GOLM1: variants seen among roughly 807,000 people sequenced by gnomAD.
GOLM1 encodes the protein golgi membrane protein 1, also known as epididymis luminal protein 46.
A neutral mutation model predicts 50.5 loss-of-function variants in GOLM1; 31 were observed. That is an observed-to-expected ratio of 0.61 (90% CI 0.46 to 0.83). GOLM1 has a LOEUF of 0.83. Among genes scored for constraint, GOLM1 ranks in the 40% least tolerant of loss-of-function variants. The pLI is 0.00. For missense variants in GOLM1, 491 were observed against 501.3 expected, an observed-to-expected ratio of 0.98 and a Z score of 0.20; for synonymous variants, 178 against 192.8, an observed-to-expected ratio of 0.92 and a Z score of 0.64.
At chr9:86,050,444 C>G (rs1480332412) in intron 4 of GOLM1, among the ~76,000 whole-genome samples, 1 of 152,128 alleles carries the variant, frequency 6.6e-6, no homozygotes, top group Non-Finnish European at 1.5e-5. Context: ...AGGAATGGTA[C>G]CAGCTCTTTG....
rs1299239464 is a variant in GOLM1 at position 86,098,802 on chromosome 9, C to G, written c.-22+609G>C. On this transcript the variant is annotated intron_variant, in intron 1 of 9. Transcript: ENST00000388712. ...GAAACACAGGTATGCGAGAAAACCC[C>G]GAGCATCCACGAGAACGGGATGCAG... Among the ~76,000 whole-genome samples, 11 of 152,344 alleles carry G rather than the reference C, an allele frequency of 7.2e-5. No homozygotes were observed. The East Asian group carries it at 1.9e-3, about 27-fold the overall frequency.
In GOLM1 at chr9:86,086,805, G is replaced by GAA. The variant is rs1229048834; in HGVS notation, c.-21-7465_-21-7464insTT. 5.9e-5 allele frequency among the ~76,000 whole-genome samples: 9 copies of GAA among 152,082 alleles called. 1 individual carries two copies. The East Asian group carries it at 1.7e-3, about 29-fold the overall frequency. ...TCTGAGCCCTCTGTTCTGTTCCATT[G>GAA]GTCTATGTATCTTTTTTGGTACCAG... On this transcript the variant is annotated intron_variant, in intron 1 of 9. Coordinates refer to ENST00000388712, the MANE Select transcript of GOLM1 (RefSeq NM_016548.4).
intron 6 of GOLM1, among the ~76,000 whole-genome samples, chr9:86,037,036 T>TA (rs1347189466): frequency 9.2e-5 from 14 of 152,208 alleles, no homozygotes; most frequent in African/African-American, 3.4e-4. Context: ...GGATGAAACT[T>TA]ATGACATTTG....
chr9:86,027,650 A>C lies in GOLM1; in HGVS notation c.*167T>G. On this transcript the variant is annotated 3_prime_UTR_variant, in exon 10 of 10. Transcript: ENST00000388712. ...GTACCCCCCAAAAGCTGTTTAAAAG[A>C]CCATTCCATTTTTTCCTACACAAAG... The C allele has an allele frequency of 7.1e-7, 1 of 1,400,600 alleles. No individual in the cohort carries two copies. The highest frequency in any genetic ancestry group is 9.2e-7 in the Non-Finnish European group (1 of 1,081,212). The allele number at this position is 1,400,600 out of a possible 1,614,324, so 86.8% of individuals were successfully genotyped here.
intron 1 of GOLM1, among the ~76,000 whole-genome samples, chr9:86,089,114 T>C (rs768641818): frequency 6.6e-6 from 1 of 152,248 alleles, no homozygotes; most frequent in Non-Finnish European, 1.5e-5. Context: ...GTAGGGGTTC[T>C]GCAGAGAGAT....
intron 6 of GOLM1, among the ~76,000 whole-genome samples, chr9:86,038,641 A>G (rs780827412): frequency 6.7e-6 from 1 of 149,974 alleles, no homozygotes; most frequent in Non-Finnish European, 1.5e-5. Context: ...TCATACTTAC[A>G]GCACACTGAT....
intron 3 of GOLM1, 24 bp from the exon 4 acceptor site, chr9:86,052,615 G>GA: frequency 1.2e-6 from 2 of 1,607,946 alleles, no homozygotes; most frequent in Non-Finnish European, 1.7e-6. Context: ...AAACTCGCAT[G>GA]AAACACCCAA....
chr9:86,037,010 T>G (rs1445828656), intron 6 of GOLM1, among the ~76,000 whole-genome samples: 3 of 152,194 alleles, frequency 2.0e-5, no homozygotes, highest in Non-Finnish European at 4.4e-5. Flanking sequence ...ATGGAATGGA[T>G]TATAAATCAA....
At position 86,027,293 on chromosome 9, in the gene GOLM1, T is replaced by C; in HGVS notation, c.*524A>G. The C allele has an allele frequency of 1.0e-6, 1 of 985,504 alleles. No homozygotes were observed. Among genetic ancestry groups the C allele is most frequent in the Non-Finnish European group, 1.2e-6 (1 of 829,962 alleles). 61.0% of individuals were successfully genotyped at this position (985,504 alleles called of 1,614,324 possible). A position where few individuals can be genotyped will look rare whatever the true frequency, so the allele number is the denominator to read the frequency against. On this transcript the variant is annotated 3_prime_UTR_variant, in exon 10 of 10. Coordinates refer to ENST00000388712, the MANE Select transcript of GOLM1 (RefSeq NM_016548.4). The stretch of plus-strand genomic sequence containing the variant: ...TAGTGACGTTTGTGTTAACAGTCAG[T>C]GCTCTAGGCCATTGATTGATTGATT...
At chr9:86,053,276 C>T (rs998435990) in intron 3 of GOLM1, among the ~76,000 whole-genome samples, 2 of 141,506 alleles carry the variant, frequency 1.4e-5, no homozygotes, top group African/African-American at 2.6e-5. Flanking sequence ...CCAGACCACA[C>T]CACACACCAT....
chr9:86,057,826 G>A (rs1834037547), intron 3 of GOLM1, among the ~76,000 whole-genome samples: 1 of 152,328 alleles, frequency 6.6e-6, no homozygotes, highest in East Asian at 1.9e-4. Context: ...GAGGGCCAGG[G>A]TGTCCACCGA....
chr9:86,053,721 A>G (rs943131250), intron 3 of GOLM1, among the ~76,000 whole-genome samples: 6 of 514 alleles, frequency 0.012, 1 homozygote, highest in Admixed American at 0.094. Context: ...ACCGCATCAC[A>G]GACTGCTCCA....
chr9:86,088,436 A>G (rs1835055095), intron 1 of GOLM1, among the ~76,000 whole-genome samples: 1 of 117,768 alleles, frequency 8.5e-6, no homozygotes, highest in Non-Finnish European at 1.7e-5. Context: ...ATATATATAT[A>G]TATATATATA....
intron 1 of GOLM1, among the ~76,000 whole-genome samples, chr9:86,097,800 G>C (rs1014661316): frequency 3.3e-5 from 5 of 152,162 alleles, no homozygotes; most frequent in Admixed American, 3.3e-4. Context: ...TCCTGGGGAA[G>C]GTGGCCATAT....
intron 2 of GOLM1, among the ~76,000 whole-genome samples, 159 bp downstream of exon 2, chr9:86,079,033 G>A (rs1002649347): frequency 6.6e-6 from 1 of 152,224 alleles, no homozygotes; most frequent in Admixed American, 6.5e-5. Flanking sequence ...CTGGCCCAGG[G>A]CTGTGGGGGT....
chr9:86,099,840 C>A (rs3812504), upstream of GOLM1, among the ~76,000 whole-genome samples: 36,734 of 152,092 alleles, frequency 0.24, 7,538 homozygotes, highest in African/African-American at 0.54. Context: ...AGCGGGGAAG[C>A]GGCTGTGGGG....
intron 1 of GOLM1, among the ~76,000 whole-genome samples, chr9:86,087,321 C>CT (rs1163906791): frequency 3.3e-5 from 5 of 152,194 alleles, no homozygotes; most frequent in Non-Finnish European, 7.3e-5. Flanking sequence ...GCTGAAGTTG[C>CT]TTATCAGCTT....
intron 6 of GOLM1, among the ~76,000 whole-genome samples, chr9:86,039,560 T>C (rs927784613): frequency 6.6e-6 from 1 of 152,206 alleles, no homozygotes; most frequent in African/African-American, 2.4e-5. Context: ...CAACTGATGA[T>C]GAATAATCCA....
rs13892 is a variant in GOLM1 at position 86,026,907 on chromosome 9, C to T, written c.*910G>A. 1.8e-3 allele frequency: 1,769 copies of T among 984,704 alleles called. 33 individuals are homozygous for T. In the African/African-American group the frequency reaches 0.029, roughly 16 times the overall value. 61.0% of individuals were successfully genotyped at this position (984,704 alleles called of 1,614,324 possible). A position where few individuals can be genotyped will look rare whatever the true frequency, so the allele number is the denominator to read the frequency against. On this transcript the variant is annotated 3_prime_UTR_variant, in exon 10 of 10. Coordinates refer to ENST00000388712, the MANE Select transcript of GOLM1 (RefSeq NM_016548.4). Reference sequence around the variant, plus strand: ...TAACACTGTATATATCCTTCGACATCAATGAACTTTGTTTTCTTTTACTCC... The same window carrying T: ...TAACACTGTATATATCCTTCGACATTAATGAACTTTGTTTTCTTTTACTCC...
Sources: gnomAD v4.1 joint callset for allele counts (sites outside exome capture counted in the v4.1 genomes callset) on GRCh38, gnomAD v4.1.1 for gene constraint, MANE v1.5 for transcripts, NCBI Gene and HGNC (gene_info 2026-07-23, HGNC 2026-07-21) for gene names.